RARB: variants seen among roughly 807,000 people sequenced by gnomAD.
RARB encodes the protein retinoic acid receptor beta, also known as HBV-activated protein.
In RARB, 17 loss-of-function variants were observed where a neutral mutation model predicts 51.9. The ratio of observed to expected loss-of-function variants is 0.33; its 90% CI spans 0.22 to 0.49. The LOEUF (loss-of-function observed/expected upper bound fraction) is 0.49, where lower values mean the gene tolerates loss of function less well. Among genes scored for constraint, RARB ranks in the 20% least tolerant of loss-of-function variants. The probability of loss-of-function intolerance (pLI) is 0.99; values close to 1 mark genes in which losing one functional copy is unlikely to be tolerated. For missense variants in RARB, 369 were observed against 550.8 expected (o/e 0.67, Z 3.30); for synonymous variants, 215 against 195.4 (o/e 1.10, Z -0.84).
chr3:25,096,736 T>TCTC, intron 3 of RARB, among the ~76,000 whole-genome samples: 1 of 152,118 alleles, frequency 6.6e-6, no homozygotes, highest in Non-Finnish European at 1.5e-5. Flanking sequence ...TCAAGATGAT[T>TCTC]AATCTGGGGG....
intron 2 of RARB, among the ~76,000 whole-genome samples, chr3:25,483,079 T>C (rs1202459593): frequency 6.6e-6 from 1 of 152,150 alleles, no homozygotes; most frequent in Non-Finnish European, 1.5e-5. Flanking sequence ...GCTACTGTAG[T>C]GGACAGAACA....
chr3:25,146,577 G>A (rs1015585297), intron 4 of RARB, among the ~76,000 whole-genome samples: 7 of 149,156 alleles, frequency 4.7e-5, no homozygotes, highest in South Asian at 2.1e-4. Flanking sequence ...GCGCGATCTC[G>A]GCTCACTGCA....
At chr3:24,988,057 C>T (rs1696832434) in intron 2 of RARB, among the ~76,000 whole-genome samples, 1 of 151,752 alleles carries the variant, frequency 6.6e-6, no homozygotes, top group South Asian at 2.1e-4. Context: ...TTAGAATGAA[C>T]ACATGGTTGA....
chr3:25,532,130 G>A (rs1426610548), intron 3 of RARB, among the ~76,000 whole-genome samples: 3 of 152,140 alleles, frequency 2.0e-5, no homozygotes, highest in African/African-American at 7.2e-5. Flanking sequence ...GCATTCCACT[G>A]AGGGAGGGCT....
chr3:24,922,884 C>T (rs1160758173), intron 2 of RARB, among the ~76,000 whole-genome samples: 4 of 152,232 alleles, frequency 2.6e-5, no homozygotes, highest in Non-Finnish European at 5.9e-5. Flanking sequence ...TCATGGTCAA[C>T]TTGGCTAGGG....
At chr3:25,056,026 A>G (rs961945754) in intron 2 of RARB, among the ~76,000 whole-genome samples, 1 of 152,150 alleles carries the variant, frequency 6.6e-6, no homozygotes, top group African/African-American at 2.4e-5. Context: ...ATCTGTCCCA[A>G]CAGTAAAGAA....
intron 5 of RARB, among the ~76,000 whole-genome samples, chr3:25,257,629 C>G (rs1235104206): frequency 6.6e-6 from 1 of 152,014 alleles, no homozygotes; most frequent in Non-Finnish European, 1.5e-5. Context: ...AATGGAAAGC[C>G]CTGTGTCCAA....
intron 1 of RARB, among the ~76,000 whole-genome samples, chr3:25,439,305 A>T (rs1708561343): frequency 6.7e-6 from 1 of 148,620 alleles, no homozygotes; most frequent in African/African-American, 2.4e-5. Flanking sequence ...GAGGATCCCA[A>T]ACCTAAGTTA....
chr3:24,970,322 T>G (rs1311557066), intron 2 of RARB, among the ~76,000 whole-genome samples: 3 of 152,012 alleles, frequency 2.0e-5, no homozygotes, highest in Admixed American at 2.0e-4. Flanking sequence ...TGGTGAGAAC[T>G]GAAACCACCA....
At chr3:25,551,569 A>T (rs570032098) in intron 3 of RARB, among the ~76,000 whole-genome samples, 2 of 152,318 alleles carry the variant, frequency 1.3e-5, no homozygotes, top group South Asian at 4.1e-4. Flanking sequence ...TAGGGAGAAG[A>T]TCAATGTGAG....
At chr3:24,945,000 T>A (rs1053200121) in intron 2 of RARB, among the ~76,000 whole-genome samples, 3 of 152,178 alleles carry the variant, frequency 2.0e-5, no homozygotes, top group Non-Finnish European at 4.4e-5. Context: ...AATACACGTG[T>A]GTGAACATGT....
chr3:25,521,832 G>C (rs1559448999), intron 3 of RARB, among the ~76,000 whole-genome samples: 1 of 152,084 alleles, frequency 6.6e-6, no homozygotes, highest in Non-Finnish European at 1.5e-5. Context: ...CCTTTAATTA[G>C]AGTCAGTAAA....
intron 5 of RARB, among the ~76,000 whole-genome samples, chr3:25,215,696 C>T (rs1361605135): frequency 2.0e-5 from 3 of 152,102 alleles, no homozygotes; most frequent in Non-Finnish European, 4.4e-5. Flanking sequence ...GTAGCTTGCC[C>T]ATCACAGTTC....
chr3:25,574,206 A>G (rs1319427020), intron 4 of RARB, among the ~76,000 whole-genome samples: 10 of 152,162 alleles, frequency 6.6e-5, no homozygotes, highest in Admixed American at 5.9e-4. Flanking sequence ...TTTGGGCTTT[A>G]GGGCCTCATA....
chr3:25,302,226 CA>C (rs778147915), intron 5 of RARB, among the ~76,000 whole-genome samples: 1 of 152,140 alleles, frequency 6.6e-6, no homozygotes, highest in East Asian at 1.9e-4. Context: ...TGGCATTTCT[CA>C]AAAGGTTAAA....
intron 4 of RARB, among the ~76,000 whole-genome samples, chr3:25,160,761 G>A (rs775232426): frequency 5.3e-5 from 8 of 152,090 alleles, no homozygotes; most frequent in African/African-American, 1.9e-4. Flanking sequence ...TCAAGGTGCC[G>A]CCATGGTTCG....
chr3:25,137,489 C>T (rs1452316776), intron 4 of RARB, among the ~76,000 whole-genome samples: 1 of 151,818 alleles, frequency 6.6e-6, no homozygotes, highest in Non-Finnish European at 1.5e-5. Context: ...TACAGAAAAA[C>T]CCAGTGAAAT....
chr3:25,341,645 G>T (rs1424185485), intron 5 of RARB, among the ~76,000 whole-genome samples: 1 of 151,964 alleles, frequency 6.6e-6, no homozygotes, highest in South Asian at 2.1e-4. Flanking sequence ...GGATAATTTT[G>T]CCCCCAGGGA....
At chr3:25,144,002 C>A (rs544431899) in intron 4 of RARB, among the ~76,000 whole-genome samples, 3 of 152,146 alleles carry the variant, frequency 2.0e-5, no homozygotes, top group Non-Finnish European at 4.4e-5. Context: ...ATATTCATAA[C>A]CTTGCCAGAG....
Sources: allele counts gnomAD v4.1 joint callset (sites outside exome capture counted in the v4.1 genomes callset), GRCh38; gene constraint gnomAD v4.1.1; transcripts MANE v1.5; gene names NCBI Gene and HGNC (gene_info 2026-07-23, HGNC 2026-07-21).